The following FIBCD1 variants were observed in gnomAD, a reference collection of about 807,000 sequenced individuals.
FIBCD1 encodes fibrinogen C domain-containing protein 1.
FIBCD1 carries 47 observed loss-of-function variants against 45.1 expected under a neutral mutation model. The ratio of observed to expected loss-of-function variants is 1.04; its 90% CI spans 0.82 to 1.33. FIBCD1 has a LOEUF of 1.33. FIBCD1 is among the 40% of genes most tolerant of loss of function. The pLI is 0.00. For synonymous variants in FIBCD1, 313 were observed against 308.1 expected (o/e 1.02, Z -0.17); for missense variants, 653 against 682.2 (o/e 0.96, Z 0.48).
Position 130,903,674 on chromosome 9 carries a change from G to C in FIBCD1, c.*390C>G, listed in dbSNP as rs1831873237. 2.8e-6 allele frequency: 1 copy of C among 362,532 alleles called. No homozygotes were observed. Among genetic ancestry groups the C allele is most frequent in the Non-Finnish European group, 5.3e-6 (1 of 187,604 alleles). 22.5% of individuals were successfully genotyped at this position (362,532 alleles called of 1,614,324 possible). A position where few individuals can be genotyped will look rare whatever the true frequency, so the allele number is the denominator to read the frequency against. ...TAGGAGGACTCCAGGGGTGCTGTCT[G>C]CCCCCTGCTCTCTGTCCCCATAATG... On this transcript the variant is annotated 3_prime_UTR_variant, in exon 7 of 7. Coordinates refer to ENST00000372338, the MANE Select transcript of FIBCD1 (RefSeq NM_032843.5).
rs562404340 is a variant in FIBCD1, at chr9:130,922,535, A to G, written c.849+1209T>C. On this transcript the variant is annotated intron_variant, in intron 4 of 6. Transcript: ENST00000372338. This position sits in a 1 kb window ranked among gnomAD's most constrained non-coding sequence, Gnocchi z 4.5. The stretch of plus-strand genomic sequence containing the variant: ...GGGGCAGCCTGTGGATGACAGGGCC[A>G]GAGCGTGGAACCTCCAGGCTCCCCG... Among the ~76,000 whole-genome samples the G allele has an allele frequency of 2.1e-4, 32 of 152,170 alleles. No homozygotes were observed. The highest frequency in any genetic ancestry group is 7.0e-4 in the African/African-American group (29 of 41,530).
chr9:130,930,038 G>A lies in FIBCD1; in HGVS notation c.81C>T (p.Ser27=). The A allele has an allele frequency of 6.7e-7, 1 of 1,500,820 alleles. No individual in the cohort carries two copies. The highest frequency in any genetic ancestry group is 8.9e-7 in the Non-Finnish European group (1 of 1,127,928). 93.0% of individuals were successfully genotyped at this position (1,500,820 alleles called of 1,614,324 possible). A position where few individuals can be genotyped will look rare whatever the true frequency, so the allele number is the denominator to read the frequency against. The change falls in exon 2 of 7, where the codon AGC becomes AGT. Residue 27 remains serine, a synonymous_variant. Transcript: ENST00000372338. ...DRPRDKPQRP[S]CGYVLCTVLL... ...GCACGGTGCACAGCACGTAGCCGCA[G>A]CTCGGCCGCTGCAGGCCCGCCCGGG...
At chr9:130,931,440 T>C (rs1481371454) in intron 1 of FIBCD1, among the ~76,000 whole-genome samples, 1 of 151,908 alleles carries the variant, frequency 6.6e-6, no homozygotes, top group African/African-American at 2.4e-5. Flanking sequence ...ACTTGGGAGG[T>C]GGAGGTTACA....
intron 4 of FIBCD1, among the ~76,000 whole-genome samples, chr9:130,912,421 G>T (rs975057180): frequency 2.0e-5 from 3 of 149,124 alleles, no homozygotes; most frequent in African/African-American, 7.5e-5. Flanking sequence ...AAAAAAGTGG[G>T]GTGGGCCGGG....
chr9:130,915,559 C>T (rs373436021), intron 4 of FIBCD1, among the ~76,000 whole-genome samples: 7 of 152,180 alleles, frequency 4.6e-5, no homozygotes, highest in East Asian at 1.9e-4. Flanking sequence ...AAAAATTAGC[C>T]GGGCATAGTG....
intron 4 of FIBCD1, among the ~76,000 whole-genome samples, chr9:130,912,769 TTGCTC>T (rs1832083260): frequency 6.6e-6 from 1 of 151,768 alleles, no homozygotes; most frequent in Non-Finnish European, 1.5e-5. Flanking sequence ...CTCCAGCACT[TTGCTC>T]TGGGCTTCGG....
chr9:130,919,789 A>G (rs1357053799), intron 4 of FIBCD1, among the ~76,000 whole-genome samples: 1 of 152,166 alleles, frequency 6.6e-6, no homozygotes, highest in Non-Finnish European at 1.5e-5. Flanking sequence ...CTGGGAGCGG[A>G]GCAGGTAGGT....
intron 4 of FIBCD1, among the ~76,000 whole-genome samples, chr9:130,919,988 G>T (rs934504171): frequency 6.6e-6 from 1 of 152,178 alleles, no homozygotes; most frequent in African/African-American, 2.4e-5. Flanking sequence ...CTGGGTGGGG[G>T]CGGGGAGCCC....
chr9:130,904,331 G>A lies in FIBCD1; in HGVS notation c.1127-8C>T, dbSNP rs748820538. On this transcript the variant is annotated splice_polypyrimidine_tract_variant and splice_region_variant and intron_variant, in intron 6 of 6. Coordinates refer to ENST00000372338, the MANE Select transcript of FIBCD1 (RefSeq NM_032843.5). ...GCTTCAGGAGGGAGTCGCCTGCGCA[G>A]GGGTGCACACAGGTGTGGGCACGGG... 2.5e-6 allele frequency: 4 copies of A among 1,600,896 alleles called. No homozygotes were observed. The highest frequency in any genetic ancestry group is 3.4e-6 in the Non-Finnish European group (4 of 1,171,958).
chr9:130,939,894 C>T (rs192918724), upstream of FIBCD1, among the ~76,000 whole-genome samples: 1,350 of 152,084 alleles, frequency 8.9e-3, 10 homozygotes, highest in Admixed American at 0.015. Context: ...GGCGCCCACA[C>T]TGCCCGACGC....
chr9:130,919,459 AC>A (rs1488348490), intron 4 of FIBCD1, among the ~76,000 whole-genome samples: 1 of 152,028 alleles, frequency 6.6e-6, no homozygotes, highest in East Asian at 1.9e-4. Flanking sequence ...CATCTGTTGG[AC>A]CCCGAGGTCC....
At chr9:130,930,144 T>TG in intron 1 of FIBCD1, 98 bp from the exon 2 acceptor site, 1 of 1,399,058 alleles carries the variant, frequency 7.1e-7, no homozygotes, top group Non-Finnish European at 9.4e-7. Context: ...ACCCCCTTCT[T>TG]GGGGGGCTGG....
chr9:130,904,460 T>C (rs12554658), intron 6 of FIBCD1, 137 bp from the exon 7 acceptor site: 178,021 of 1,282,512 alleles, frequency 0.14, 17,856 homozygotes, highest in East Asian at 0.5. Context: ...CTCTCACACA[T>C]ACTGCTGTGC....
At chr9:130,911,360 C>T (rs138625668) in intron 5 of FIBCD1, among the ~76,000 whole-genome samples, 2 of 152,226 alleles carry the variant, frequency 1.3e-5, no homozygotes, top group African/African-American at 4.8e-5. Context: ...TGGACACACT[C>T]AGCACCACTG....
At chr9:130,933,668 G>A (rs73559707) in intron 1 of FIBCD1, among the ~76,000 whole-genome samples, 4,209 of 142,770 alleles carry the variant, frequency 0.029, 203 homozygotes, top group African/African-American at 0.1. Context: ...GGTGACCTCT[G>A]TCCAGGCTAC....
chr9:130,912,392 C>CA (rs61490832), intron 4 of FIBCD1, among the ~76,000 whole-genome samples: 3,502 of 75,336 alleles, frequency 0.046, 118 homozygotes, highest in African/African-American at 0.08. Context: ...GGCTCTCTCT[C>CA]AAAAAAAAAA....
chr9:130,935,232 T>C (rs573155716), intron 1 of FIBCD1, among the ~76,000 whole-genome samples: 6 of 152,304 alleles, frequency 3.9e-5, no homozygotes, highest in African/African-American at 1.2e-4. Context: ...CTGGGATGGG[T>C]TGGAAGTTGA....
Position 130,922,473 on chromosome 9 carries a change from T to C in FIBCD1, c.849+1271A>G, listed in dbSNP as rs998659941. ...GGGGGCTCAGAGAACCGAGGTAAGT[T>C]GCCCCAGGTCACACAGCAGGACTCA... On this transcript the variant is annotated intron_variant, in intron 4 of 6. Coordinates refer to ENST00000372338, the MANE Select transcript of FIBCD1 (RefSeq NM_032843.5). The surrounding 1 kb of genome is among the most constrained non-coding windows in gnomAD (Gnocchi z 4.5). 6.6e-6 allele frequency among the ~76,000 whole-genome samples: 1 copy of C among 152,098 alleles called. No individual in the cohort carries two copies. Among genetic ancestry groups the C allele is most frequent in the Non-Finnish European group, 1.5e-5 (1 of 68,026 alleles).
Position 130,904,316 on chromosome 9 carries a change from G to T in FIBCD1, c.1134C>A (p.Ser378=). ...ACCTCATGCCGCTGTGCTTCAGGAG[G>T]GAGTCGCCTGCGCAGGGGTGCACAC... ...VADYSGTAGD[S]LLKHSGMRFT... Residue 378 remains serine, a synonymous_variant, in exon 7 of 7, where the codon TCC becomes TCA. Coordinates refer to ENST00000372338, the MANE Select transcript of FIBCD1 (RefSeq NM_032843.5). The T allele has an allele frequency of 6.2e-7, 1 of 1,607,010 alleles. No individual in the cohort carries two copies. Among genetic ancestry groups the T allele is most frequent in the South Asian group, 1.1e-5 (1 of 90,742 alleles).
Sources: gnomAD v4.1 joint callset for allele counts (sites outside exome capture counted in the v4.1 genomes callset) on GRCh38, gnomAD v4.1.1 for gene constraint, Gnocchi (gnomAD v3.1) non-coding constraint, MANE v1.5 for transcripts, NCBI Gene and HGNC (gene_info 2026-07-23, HGNC 2026-07-21) for gene names.